CCDC125: variants seen among roughly 807,000 people sequenced by gnomAD.
The protein encoded by CCDC125 is coiled-coil domain containing 125.
CCDC125 carries 43 observed loss-of-function variants against 57.4 expected under a neutral mutation model. That is an observed-to-expected ratio of 0.75 (90% CI 0.59 to 0.97). The LOEUF (loss-of-function observed/expected upper bound fraction) is 0.97. CCDC125 is among the 50% of genes least tolerant of loss of function. CCDC125 has a pLI of 0.00. For synonymous variants in CCDC125, 187 were observed against 195.2 expected (o/e 0.96, Z 0.35); for missense variants, 563 against 595.7 (o/e 0.95, Z 0.57).
At chr5:69,279,620 C>T (rs1429942797), downstream of CCDC125, among the ~76,000 whole-genome samples, 1 of 152,138 alleles carries the variant, frequency 6.6e-6, no homozygotes, top group Non-Finnish European at 1.5e-5. Context: ...GTGGCACTCA[C>T]CACAGGACAG....
At chr5:69,312,433 C>T (rs1401268464) in intron 3 of CCDC125, among the ~76,000 whole-genome samples, 1 of 152,118 alleles carries the variant, frequency 6.6e-6, no homozygotes, top group African/African-American at 2.4e-5. Flanking sequence ...CGGGAAGAGT[C>T]CCAAACACAC....
chr5:69,319,079 C>T (rs1759608423), intron 2 of CCDC125, among the ~76,000 whole-genome samples: 1 of 151,720 alleles, frequency 6.6e-6, no homozygotes, highest in Admixed American at 6.6e-5. Context: ...AAGCACGTGC[C>T]ACCACACCCA....
At chr5:69,327,962 T>A (rs1760937951) in intron 1 of CCDC125, among the ~76,000 whole-genome samples, 1 of 152,182 alleles carries the variant, frequency 6.6e-6, no homozygotes, top group Non-Finnish European at 1.5e-5. Flanking sequence ...AATGGCGCAA[T>A]CTCAGCTCAC....
At chr5:69,290,956 A>G (rs928243822) in intron 10 of CCDC125, among the ~76,000 whole-genome samples, 2 of 152,116 alleles carry the variant, frequency 1.3e-5, no homozygotes, top group African/African-American at 4.8e-5. Flanking sequence ...AATATTTTCT[A>G]TGATGGTGTT....
chr5:69,314,113 G>T (rs977830485), intron 2 of CCDC125, 67 bp from the exon 3 acceptor site: 4 of 1,092,254 alleles, frequency 3.7e-6, no homozygotes, highest in Non-Finnish European at 5.6e-6. Flanking sequence ...ATTAAACATA[G>T]GACATTTGTT....
chr5:69,286,188 C>CCA (rs1491467969), intron 10 of CCDC125, among the ~76,000 whole-genome samples: 16 of 51,340 alleles, frequency 3.1e-4, no homozygotes, highest in Admixed American at 6.9e-4. Flanking sequence ...AAATGGTAAA[C>CCA]TATATATATA....
the CCDC125 span, among the ~76,000 whole-genome samples, chr5:69,275,121 A>G: frequency 6.6e-6 from 1 of 151,986 alleles, no homozygotes; most frequent in Admixed American, 6.6e-5. Flanking sequence ...GGATATAATT[A>G]TTTTTATCAG....
chr5:69,276,770 C>G (rs1752189088), downstream of CCDC125: 2 of 1,187,292 alleles, frequency 1.7e-6, no homozygotes, highest in African/African-American at 3.1e-5. Context: ...GACTGAACAA[C>G]AGCAAAGAAA....
intron 3 of CCDC125, chr5:69,313,670 G>C: frequency 1.3e-6 from 1 of 753,472 alleles, no homozygotes; most frequent in Non-Finnish European, 2.5e-6. Context: ...AGGTGGCATA[G>C]GGGTTGTCGA....
intron 10 of CCDC125, among the ~76,000 whole-genome samples, chr5:69,291,366 A>T (rs963256447): frequency 1.0e-4 from 15 of 145,822 alleles, no homozygotes; most frequent in East Asian, 5.9e-4. Context: ...AATACTGATC[A>T]TTTTTTTTTT....
At chr5:69,308,566 C>G (rs1757693510) in intron 4 of CCDC125, 1 of 190,056 alleles carries the variant, frequency 5.3e-6, no homozygotes, top group South Asian at 1.1e-4. Flanking sequence ...TGAGACCTCC[C>G]CAGCCATGTG....
intron 11 of CCDC125, among the ~76,000 whole-genome samples, chr5:69,284,335 A>T (rs1053994526): frequency 1.6e-4 from 25 of 152,152 alleles, no homozygotes; most frequent in African/African-American, 5.8e-4. Context: ...AGAGATAAGT[A>T]TGTTCATATA....
the CCDC125 span, among the ~76,000 whole-genome samples, chr5:69,274,671 A>G: frequency 6.6e-6 from 1 of 151,130 alleles, no homozygotes; most frequent in Admixed American, 6.6e-5. Flanking sequence ...GCTGGAGTGC[A>G]GTGGCACGAT....
chr5:69,296,660 C>T (rs1039394965), intron 8 of CCDC125, among the ~76,000 whole-genome samples: 2 of 152,024 alleles, frequency 1.3e-5, no homozygotes, highest in Non-Finnish European at 2.9e-5. Context: ...TAAAACTCCA[C>T]TTTAAAAGCT....
At chr5:69,308,176 G>A in intron 4 of CCDC125, 148 bp from the exon 5 acceptor site, 1 of 632,564 alleles carries the variant, frequency 1.6e-6, no homozygotes, top group Middle Eastern at 4.0e-4. Flanking sequence ...TGGAGAGTCT[G>A]ATAGTTCAAA....
the CCDC125 span, chr5:69,273,127 A>G: frequency 1.0e-6 from 1 of 973,704 alleles, no homozygotes; most frequent in Non-Finnish European, 1.4e-6. Context: ...CATAAAATTA[A>G]CATTTTTTAA....
At position 69,329,007 on chromosome 5, in the gene CCDC125, A is replaced by G. The variant is rs1761078120; in HGVS notation, c.-41+3642T>C. Among the ~76,000 whole-genome samples, 3 of 150,994 alleles carry G rather than the reference A, an allele frequency of 2.0e-5. No homozygotes were observed. In the Admixed American group the frequency reaches 2.0e-4, roughly 10 times the overall value. Reference sequence around the variant, plus strand: ...ATGGAGTTTCACCGTGTTAAGCAGGATGGTCTCAATCTCCTGACCTCATGA... The same window carrying G: ...ATGGAGTTTCACCGTGTTAAGCAGGGTGGTCTCAATCTCCTGACCTCATGA... On this transcript the variant is annotated intron_variant, in intron 1 of 11. Coordinates refer to ENST00000396496, the MANE Select transcript of CCDC125 (RefSeq NM_176816.5).
intron 2 of CCDC125, among the ~76,000 whole-genome samples, chr5:69,315,466 A>C (rs1334616988): frequency 1.8e-4 from 10 of 54,988 alleles, no homozygotes; most frequent in African/African-American, 4.2e-4. Flanking sequence ...AAAAAACAAA[A>C]AAAAAAAAGG....
At chr5:69,283,613 G>A (rs1257923456) in intron 11 of CCDC125, among the ~76,000 whole-genome samples, 1 of 151,860 alleles carries the variant, frequency 6.6e-6, no homozygotes, top group Admixed American at 6.6e-5. Context: ...TGCCTCCCAG[G>A]CTCAAGTGAT....
Sources: allele counts gnomAD v4.1 joint callset (sites outside exome capture counted in the v4.1 genomes callset), GRCh38; gene constraint gnomAD v4.1.1; transcripts MANE v1.5; gene names NCBI Gene and HGNC (gene_info 2026-07-23, HGNC 2026-07-21).